CELF2: variants seen among roughly 807,000 people sequenced by gnomAD.
The protein encoded by CELF2 is CUGBP Elav-like family member 2.
In CELF2, 8 loss-of-function variants were observed where a neutral mutation model predicts 62.6. The ratio of observed to expected loss-of-function variants is 0.13; its 90% CI spans 0.07 to 0.23. CELF2 has a LOEUF of 0.23. Ranked by LOEUF, CELF2 falls within the 10% of genes least tolerant of loss-of-function variation. The pLI is 1.00. For synonymous variants in CELF2, 258 were observed against 250.0 expected (o/e 1.03, Z -0.30); for missense variants, 333 against 671.0 (o/e 0.50, Z 5.56).
chr10:10,754,123 A>C, the CELF2 span, among the ~76,000 whole-genome samples: 1 of 140,194 alleles, frequency 7.1e-6, no homozygotes, highest in Non-Finnish European at 1.5e-5. Flanking sequence ...TTAACTACTT[A>C]AGCAATGAAG....
intron 1 of CELF2, among the ~76,000 whole-genome samples, chr10:11,037,640 C>A (rs1043128264): frequency 5.9e-5 from 9 of 152,114 alleles, no homozygotes; most frequent in African/African-American, 2.2e-4. Flanking sequence ...ACAAACCCCA[C>A]TAAGGTTTCT....
In CELF2 at chr10:11,297,301, C is replaced by T. The variant is rs546824527; in HGVS notation, c.976+8749C>T. 2.6e-5 allele frequency among the ~76,000 whole-genome samples: 4 copies of T among 152,212 alleles called. No individual in the cohort carries two copies. Among genetic ancestry groups the T allele is most frequent in the South Asian group, 2.1e-4 (1 of 4,818 alleles). ...GTGTGACCATCAGGCTGACCAGAGC[C>T]GGGAGCTGCAGAGTGGATTGAGACT... On this transcript the variant is annotated intron_variant, in intron 9 of 12. Coordinates refer to ENST00000633077, the MANE Select transcript of CELF2 (RefSeq NM_001326342.2). This position sits in a 1 kb window ranked among gnomAD's most constrained non-coding sequence, Gnocchi z 4.4.
chr10:10,689,068 G>A, the CELF2 span, among the ~76,000 whole-genome samples: 7 of 152,206 alleles, frequency 4.6e-5, no homozygotes, highest in South Asian at 1.5e-3. Flanking sequence ...TCATTTCTGA[G>A]TTCCATAATT....
chr10:10,717,337 T>G, the CELF2 span, among the ~76,000 whole-genome samples: 2 of 152,064 alleles, frequency 1.3e-5, no homozygotes, highest in African/African-American at 2.4e-5. Context: ...TTACTAGTTT[T>G]CTCTTTCCTT....
chr10:10,691,082 T>G, the CELF2 span, among the ~76,000 whole-genome samples: 1 of 152,160 alleles, frequency 6.6e-6, no homozygotes, highest in Admixed American at 6.5e-5. Context: ...TGTATACATA[T>G]GCCATGCTGG....
chr10:10,860,406 A>G (rs1032901445), intron 1 of CELF2, among the ~76,000 whole-genome samples: 4 of 152,202 alleles, frequency 2.6e-5, no homozygotes, highest in Admixed American at 6.5e-5. Flanking sequence ...CTGTGGGTCA[A>G]AATGCCTGTC....
the CELF2 span, among the ~76,000 whole-genome samples, chr10:10,472,395 T>C: frequency 3.0e-3 from 457 of 152,044 alleles, 3 homozygotes; most frequent in African/African-American, 0.011. Flanking sequence ...TATTAAAATT[T>C]ATCAAATTTT....
At chr10:10,560,630 A>G in the CELF2 span, among the ~76,000 whole-genome samples, 1 of 152,192 alleles carries the variant, frequency 6.6e-6, no homozygotes, top group African/African-American at 2.4e-5. Flanking sequence ...AAGAAATAAA[A>G]GTAGAACTAC....
chr10:10,524,804 T>C, the CELF2 span, among the ~76,000 whole-genome samples: 1 of 152,308 alleles, frequency 6.6e-6, no homozygotes, highest in Non-Finnish European at 1.5e-5. Flanking sequence ...AGTTTTTGTT[T>C]AGAAATATAG....
At chr10:11,057,913 C>T (rs1354426482) in intron 1 of CELF2, among the ~76,000 whole-genome samples, 1 of 152,156 alleles carries the variant, frequency 6.6e-6, no homozygotes, top group Non-Finnish European at 1.5e-5. Context: ...AGAAGTTCTA[C>T]TTTCTACTGT....
In CELF2 at chr10:11,270,604, G is replaced by A. The variant is rs2083476622; in HGVS notation, c.619-62G>A. 1 of 1,344,286 alleles carries A rather than the reference G, an allele frequency of 7.4e-7. No individual in the cohort carries two copies. The highest frequency in any genetic ancestry group is 2.1e-5 in the South Asian group (1 of 47,292). The allele number at this position is 1,344,286 out of a possible 1,614,324, so 83.3% of individuals were successfully genotyped here. On this transcript the variant is annotated intron_variant, in intron 6 of 12. Coordinates refer to ENST00000633077, the MANE Select transcript of CELF2 (RefSeq NM_001326342.2). This position sits in a 1 kb window ranked among gnomAD's most constrained non-coding sequence, Gnocchi z 5.8. ...CAGAAAGGTAGCTCCGGTGCTGAGT[G>A]TCGTGAGCGGATTCCGCCAGCCTGT...
At chr10:11,062,000 CGG>C (rs1167344097) in intron 1 of CELF2, among the ~76,000 whole-genome samples, 15 of 152,290 alleles carry the variant, frequency 9.8e-5, no homozygotes, top group African/African-American at 3.4e-4. Flanking sequence ...TTAGTAGCGA[CGG>C]GGTTTCACCA....
the CELF2 span, among the ~76,000 whole-genome samples, chr10:10,482,584 A>T: frequency 6.6e-6 from 1 of 152,188 alleles, no homozygotes; most frequent in Non-Finnish European, 1.5e-5. Flanking sequence ...TACACCAAAG[A>T]CAATTTTCTT....
chr10:10,841,320 A>G (rs1206921808), intron 1 of CELF2, among the ~76,000 whole-genome samples: 2 of 147,346 alleles, frequency 1.4e-5, no homozygotes, highest in Non-Finnish European at 3.0e-5. Flanking sequence ...TTTTTCTTTC[A>G]TATATTGTGC....
At chr10:10,892,598 G>A (rs2062225564) in intron 1 of CELF2, among the ~76,000 whole-genome samples, 1 of 152,152 alleles carries the variant, frequency 6.6e-6, no homozygotes, top group Admixed American at 6.5e-5. Flanking sequence ...TCTCATTAGT[G>A]GAGCTTTCAT....
chr10:10,752,717 A>G, the CELF2 span, among the ~76,000 whole-genome samples: 1 of 143,492 alleles, frequency 7.0e-6, no homozygotes, highest in Non-Finnish European at 1.5e-5. Context: ...AGAAAGAAAA[A>G]GAAAAAAAAA....
At chr10:11,027,375 A>G (rs2138570539) in intron 1 of CELF2, among the ~76,000 whole-genome samples, 1 of 152,060 alleles carries the variant, frequency 6.6e-6, no homozygotes, top group South Asian at 2.1e-4. Flanking sequence ...TCTTCTGGGT[A>G]CCTAGAGCGC....
At chr10:11,071,365 C>T (rs997569464) in intron 1 of CELF2, among the ~76,000 whole-genome samples, 4 of 152,158 alleles carry the variant, frequency 2.6e-5, no homozygotes, top group Non-Finnish European at 5.9e-5. Flanking sequence ...TCATTACCTC[C>T]GTTTTACAGA....
the CELF2 span, among the ~76,000 whole-genome samples, chr10:10,681,882 G>A: frequency 6.6e-6 from 1 of 152,108 alleles, no homozygotes; most frequent in East Asian, 1.9e-4. Context: ...TGTTTGTATT[G>A]CTTAGCTAAA....
Sources: gnomAD v4.1 joint callset for allele counts (sites outside exome capture counted in the v4.1 genomes callset) on GRCh38, gnomAD v4.1.1 for gene constraint, Gnocchi (gnomAD v3.1) non-coding constraint, MANE v1.5 for transcripts, NCBI Gene and HGNC (gene_info 2026-07-23, HGNC 2026-07-21) for gene names.